The following SAMD13 variants were observed in gnomAD, a reference collection of about 807,000 sequenced individuals.
The protein encoded by SAMD13 is sterile alpha motif domain-containing protein 13.
SAMD13 carries 9 observed loss-of-function variants against 12.4 expected under a neutral mutation model. The ratio of observed to expected loss-of-function variants is 0.72; its 90% CI spans 0.44 to 1.26. The LOEUF (loss-of-function observed/expected upper bound fraction) is 1.26, where lower values mean the gene tolerates loss of function less well. Ranked by LOEUF, SAMD13 falls within the 50% of genes most tolerant of loss-of-function variation. SAMD13 has a pLI of 0.00. For missense variants in SAMD13, 84 were observed against 119.6 expected, an observed-to-expected ratio of 0.70 and a Z score of 1.39; for synonymous variants, 46 against 45.4, an observed-to-expected ratio of 1.01 and a Z score of -0.05.
chr1:84,315,748 A>C (rs1043267850), intron 2 of SAMD13, among the ~76,000 whole-genome samples: 3 of 152,188 alleles, frequency 2.0e-5, no homozygotes, highest in African/African-American at 7.2e-5. Flanking sequence ...TGGGATTGCT[A>C]TGTCACATAG....
chr1:84,319,106 T>A (rs941089683), intron 2 of SAMD13, among the ~76,000 whole-genome samples: 1 of 152,174 alleles, frequency 6.6e-6, no homozygotes, highest in Non-Finnish European at 1.5e-5. Flanking sequence ...GCTATTGAGA[T>A]CCCTACAGAA....
At chr1:84,300,537 G>T (rs901489929), upstream of SAMD13, among the ~76,000 whole-genome samples, 10 of 152,356 alleles carry the variant, frequency 6.6e-5, no homozygotes, top group African/African-American at 2.4e-4. Context: ...ATTACAGCAA[G>T]TGATAACTTT....
At chr1:84,344,985 C>T (rs1679506847) in intron 3 of SAMD13, 3 of 456,734 alleles carry the variant, frequency 6.6e-6, no homozygotes, top group South Asian at 4.6e-5. Flanking sequence ...TGATTTTTCC[C>T]TTGGCCTTGT....
intron 2 of SAMD13, among the ~76,000 whole-genome samples, chr1:84,315,985 A>G (rs938666064): frequency 5.3e-5 from 8 of 152,128 alleles, no homozygotes; most frequent in Non-Finnish European, 4.4e-5. Context: ...ACCTCTTTTC[A>G]TATATATACA....
chr1:84,306,812 C>G (rs1678587462), intron 2 of SAMD13, among the ~76,000 whole-genome samples: 1 of 145,574 alleles, frequency 6.9e-6, no homozygotes, highest in Non-Finnish European at 1.5e-5. Flanking sequence ...GCCTGGGTGA[C>G]AGTGAGACTC....
At chr1:84,314,998 CTT>C (rs1175039341) in intron 2 of SAMD13, among the ~76,000 whole-genome samples, 2 of 141,624 alleles carry the variant, frequency 1.4e-5, no homozygotes, top group African/African-American at 2.6e-5. Context: ...CCCTCTCTCT[CTT>C]TCTCTCCTTC....
chr1:84,302,646 G>C, intron 1 of SAMD13: 1 of 986,618 alleles, frequency 1.0e-6, no homozygotes, highest in Non-Finnish European at 1.2e-6. Flanking sequence ...CCACAGCATG[G>C]CCATCTCACA....
chr1:84,332,947 G>A (rs368398771), intron 3 of SAMD13, among the ~76,000 whole-genome samples: 2 of 152,206 alleles, frequency 1.3e-5, no homozygotes, highest in South Asian at 4.1e-4. Flanking sequence ...TTCTGCATAT[G>A]GCTAGCCAGT....
chr1:84,340,333 C>T (rs1165476768), intron 3 of SAMD13, among the ~76,000 whole-genome samples: 2 of 152,164 alleles, frequency 1.3e-5, no homozygotes, highest in Non-Finnish European at 2.9e-5. Context: ...ACAAATATTG[C>T]ATAATTCCAC....
chr1:84,325,318 G>A (rs1215506490), intron 2 of SAMD13, among the ~76,000 whole-genome samples: 1 of 152,108 alleles, frequency 6.6e-6, no homozygotes, highest in Non-Finnish European at 1.5e-5. Flanking sequence ...TAGGGAAGGT[G>A]TTAGGAAGAC....
At chr1:84,299,066 C>G (rs1417165722), upstream of SAMD13, among the ~76,000 whole-genome samples, 1 of 152,146 alleles carries the variant, frequency 6.6e-6, no homozygotes, top group Non-Finnish European at 1.5e-5. Flanking sequence ...CCCCTACCGT[C>G]CCCTTCTCAG....
chr1:84,315,331 A>G (rs1272633068), intron 2 of SAMD13, among the ~76,000 whole-genome samples: 1 of 152,174 alleles, frequency 6.6e-6, no homozygotes, highest in Non-Finnish European at 1.5e-5. Flanking sequence ...AAGTGGAATC[A>G]TGCAATATTT....
intron 3 of SAMD13, among the ~76,000 whole-genome samples, chr1:84,337,445 C>T (rs1679324702): frequency 6.6e-6 from 1 of 152,228 alleles, no homozygotes; most frequent in African/African-American, 2.4e-5. Context: ...GCTGCCAAAG[C>T]TTGAGGCTTG....
intron 3 of SAMD13, chr1:84,344,997 G>A (rs1679507116): frequency 2.2e-6 from 1 of 456,530 alleles, no homozygotes; most frequent in African/African-American, 2.0e-5. Context: ...TGGCCTTGTG[G>A]GTAAAGCCAG....
At chr1:84,344,846 G>T in intron 3 of SAMD13, 1 of 455,994 alleles carries the variant, frequency 2.2e-6, no homozygotes, top group Non-Finnish European at 4.4e-6. Flanking sequence ...ATGAGGTCTT[G>T]TCTGATGCCA....
chr1:84,301,332 C>T (rs1430838962), upstream of SAMD13, among the ~76,000 whole-genome samples: 1 of 152,230 alleles, frequency 6.6e-6, no homozygotes, highest in Non-Finnish European at 1.5e-5. Flanking sequence ...ACTGGCTTCT[C>T]ACTCTTATTT....
At chr1:84,306,660 AAAAG>A (rs1371496101) in intron 2 of SAMD13, among the ~76,000 whole-genome samples, 78 of 144,288 alleles carry the variant, frequency 5.4e-4, no homozygotes, top group African/African-American at 1.8e-3. Flanking sequence ...AAAAAAAAAA[AAAAG>A]AGAGAGAGAG....
At chr1:84,347,929 G>A (rs1297757492) in intron 3 of SAMD13, among the ~76,000 whole-genome samples, 5 of 152,142 alleles carry the variant, frequency 3.3e-5, no homozygotes, top group Admixed American at 2.6e-4. Flanking sequence ...CTATGAATCA[G>A]CTGCTTTTTA....
At chr1:84,325,992 A>C (rs967002579) in intron 3 of SAMD13, among the ~76,000 whole-genome samples, 1 of 152,172 alleles carries the variant, frequency 6.6e-6, no homozygotes, top group African/African-American at 2.4e-5. Context: ...GCTCATTTAC[A>C]TCTGTGTCCT....
Sources: gnomAD v4.1 joint callset for allele counts (sites outside exome capture counted in the v4.1 genomes callset) on GRCh38, gnomAD v4.1.1 for gene constraint, MANE v1.5 for transcripts, NCBI Gene and HGNC (gene_info 2026-07-23, HGNC 2026-07-21) for gene names.